The following PLCB1 variants were observed in gnomAD, a reference collection of about 807,000 sequenced individuals.
PLCB1 encodes the protein phospholipase C beta 1.
Under a neutral mutation model 161.8 loss-of-function variants are expected in PLCB1, and 46 were observed. The observed-to-expected ratio is 0.28, with a 90% CI of 0.22 to 0.36. The LOEUF (loss-of-function observed/expected upper bound fraction) is 0.36. Ranked by LOEUF, PLCB1 falls within the 10% of genes least tolerant of loss-of-function variation. The pLI is 1.00. For synonymous variants in PLCB1, 517 were observed against 503.7 expected (o/e 1.03, Z -0.35); for missense variants, 1,016 against 1,472.5 (o/e 0.69, Z 5.07).
At chr20:8,694,774 T>C (rs1041912192) in intron 10 of PLCB1, among the ~76,000 whole-genome samples, 8 of 152,244 alleles carry the variant, frequency 5.3e-5, no homozygotes, top group African/African-American at 1.9e-4. Context: ...TAGTCAGTGA[T>C]GTGCGTAAAC....
At chr20:8,170,176 G>A (rs1035764166) in intron 2 of PLCB1, among the ~76,000 whole-genome samples, 1 of 152,030 alleles carries the variant, frequency 6.6e-6, no homozygotes, top group African/African-American at 2.4e-5. Flanking sequence ...CTCTAGTTGG[G>A]GAAACCTACC....
chr20:8,311,649 C>T (rs1015217179), intron 2 of PLCB1, among the ~76,000 whole-genome samples: 6 of 152,192 alleles, frequency 3.9e-5, no homozygotes, highest in Non-Finnish European at 5.9e-5. Context: ...TCTAGTGATT[C>T]GGAAAGCCCT....
intron 3 of PLCB1, among the ~76,000 whole-genome samples, chr20:8,543,728 C>T (rs188711206): frequency 6.6e-6 from 1 of 151,402 alleles, no homozygotes; most frequent in Non-Finnish European, 1.5e-5. Flanking sequence ...ATGGGAGGGA[C>T]CTTGGGGGTG....
At chr20:8,309,746 C>T (rs939978325) in intron 2 of PLCB1, among the ~76,000 whole-genome samples, 7 of 152,160 alleles carry the variant, frequency 4.6e-5, no homozygotes, top group Non-Finnish European at 7.3e-5. Flanking sequence ...CTGAGCTCAG[C>T]AATGCCATGC....
At chr20:8,472,574 A>T (rs544296687) in intron 3 of PLCB1, among the ~76,000 whole-genome samples, 1 of 152,048 alleles carries the variant, frequency 6.6e-6, no homozygotes, top group East Asian at 1.9e-4. Context: ...GCCAGGTATG[A>T]TGGTGCATGC....
At chr20:8,487,926 A>C (rs1982798482) in intron 3 of PLCB1, among the ~76,000 whole-genome samples, 2 of 151,864 alleles carry the variant, frequency 1.3e-5, no homozygotes, top group Admixed American at 1.3e-4. Context: ...GCAATGACTG[A>C]CTCGTATGAG....
chr20:8,624,454 T>A (rs1988275156), intron 3 of PLCB1, among the ~76,000 whole-genome samples: 1 of 152,230 alleles, frequency 6.6e-6, no homozygotes, highest in South Asian at 2.1e-4. Context: ...TGTAGATACT[T>A]GGCATGCAAA....
At chr20:8,254,146 G>T (rs1981291978) in intron 2 of PLCB1, among the ~76,000 whole-genome samples, 1 of 151,852 alleles carries the variant, frequency 6.6e-6, no homozygotes, top group South Asian at 2.1e-4. Flanking sequence ...CCTTTTCCCT[G>T]CTAAATCTTC....
chr20:8,263,173 A>C (rs774629565), intron 2 of PLCB1, among the ~76,000 whole-genome samples: 1 of 148,446 alleles, frequency 6.7e-6, no homozygotes, highest in Non-Finnish European at 1.5e-5. Flanking sequence ...TAATATCTAT[A>C]GTACCAAAAA....
At chr20:8,402,964 C>G (rs1273185751) in intron 3 of PLCB1, among the ~76,000 whole-genome samples, 2 of 151,984 alleles carry the variant, frequency 1.3e-5, no homozygotes, top group East Asian at 3.9e-4. Context: ...CTATTTTTGT[C>G]TTTGAATTTA....
At chr20:8,367,533 A>G (rs978692184) in intron 2 of PLCB1, among the ~76,000 whole-genome samples, 4 of 152,220 alleles carry the variant, frequency 2.6e-5, no homozygotes, top group Admixed American at 6.5e-5. Context: ...GAAAAAATTG[A>G]TGCTCAGTGT....
intron 2 of PLCB1, among the ~76,000 whole-genome samples, chr20:8,202,145 C>T (rs923233728): frequency 5.3e-5 from 8 of 152,014 alleles, no homozygotes; most frequent in Non-Finnish European, 1.0e-4. Flanking sequence ...TGGTGCATCT[C>T]TGCTCATTGC....
chr20:8,664,901 C>T (rs1568552469), intron 9 of PLCB1, among the ~76,000 whole-genome samples: 1 of 152,066 alleles, frequency 6.6e-6, no homozygotes, highest in Non-Finnish European at 1.5e-5. Context: ...TCCCAGAATC[C>T]AGGGCATGGC....
At chr20:8,528,982 C>T (rs955027627) in intron 3 of PLCB1, among the ~76,000 whole-genome samples, 1 of 151,930 alleles carries the variant, frequency 6.6e-6, no homozygotes, top group Non-Finnish European at 1.5e-5. Flanking sequence ...TACACAATAA[C>T]CTTCTAACGA....
chr20:8,531,523 C>T (rs1161292984), intron 3 of PLCB1, among the ~76,000 whole-genome samples: 2 of 152,072 alleles, frequency 1.3e-5, no homozygotes, highest in Non-Finnish European at 2.9e-5. Context: ...TAAAACACTT[C>T]CTGCTAGGAA....
intron 31 of PLCB1, among the ~76,000 whole-genome samples, chr20:8,816,838 A>G (rs900382660): frequency 3.9e-5 from 6 of 152,214 alleles, no homozygotes; most frequent in Admixed American, 3.3e-4. Flanking sequence ...AAGATAATCC[A>G]TTAGTGATAA....
intron 2 of PLCB1, among the ~76,000 whole-genome samples, chr20:8,154,113 T>G (rs1271130311): frequency 6.6e-6 from 1 of 152,182 alleles, no homozygotes; most frequent in African/African-American, 2.4e-5. Flanking sequence ...TCATTTTGTT[T>G]TGCTTATGTC....
intron 31 of PLCB1, among the ~76,000 whole-genome samples, chr20:8,830,120 C>G (rs910495291): frequency 6.6e-6 from 1 of 152,130 alleles, no homozygotes; most frequent in Non-Finnish European, 1.5e-5. Flanking sequence ...GGATGTGAAT[C>G]TTAAGTCAAT....
At chr20:8,351,996 C>T (rs755719059) in intron 2 of PLCB1, among the ~76,000 whole-genome samples, 5 of 152,004 alleles carry the variant, frequency 3.3e-5, no homozygotes, top group Non-Finnish European at 7.4e-5. Context: ...TAGGTATTTA[C>T]CTAACAGATT....
Sources: allele counts gnomAD v4.1 joint callset (sites outside exome capture counted in the v4.1 genomes callset), GRCh38; gene constraint gnomAD v4.1.1; transcripts MANE v1.5; gene names NCBI Gene and HGNC (gene_info 2026-07-23, HGNC 2026-07-21).